UGGT1: variants seen among roughly 807,000 people sequenced by gnomAD.
UGGT1 encodes the protein UDP-glucose glycoprotein glucosyltransferase 1.
A neutral mutation model predicts 203.9 loss-of-function variants in UGGT1; 107 were observed. The ratio of observed to expected loss-of-function variants is 0.52; its 90% confidence interval spans 0.45 to 0.62. UGGT1 has a LOEUF of 0.62. UGGT1 is among the 20% of genes least tolerant of loss of function. The pLI is 0.00. For missense variants in UGGT1, 1,673 were observed against 1,867.2 expected (o/e 0.90, Z 1.92); for synonymous variants, 628 against 653.5 (o/e 0.96, Z 0.59).
intron 2 of UGGT1, among the ~76,000 whole-genome samples, chr2:128,101,774 G>A (rs1482982162): frequency 6.6e-6 from 1 of 152,074 alleles, no homozygotes; most frequent in African/African-American, 2.4e-5. Flanking sequence ...CTGTAACATC[G>A]TAGAGCCTCC....
At position 128,191,603 on chromosome 2, in the gene UGGT1, A is replaced by G. The variant is rs1485801338; in HGVS notation, c.*1861A>G. The G allele has an allele frequency of 6.6e-6, 1 of 152,484 alleles. No individual in the cohort carries two copies. The highest frequency in any genetic ancestry group is 1.9e-4 in the East Asian group (1 of 5,192). 9.4% of individuals were successfully genotyped at this position (152,484 alleles called of 1,614,324 possible). On this transcript the variant is annotated 3_prime_UTR_variant, in exon 41 of 41. Transcript: ENST00000259253. ...GCCAGGCGTGGTGGCTCACACCTGT[A>G]ATCCCAGCACTTTGGGAGGCTGAGG...
At chr2:128,117,975 TGTCTGTGTGTGTGTGTGTGA>T (rs1029662611) in intron 8 of UGGT1, among the ~76,000 whole-genome samples, 9 of 96,190 alleles carry the variant, frequency 9.4e-5, no homozygotes, top group Non-Finnish European at 1.7e-4. Context: ...TGTGTGTGTG[TGTCTGTGTGTGTGTGTGTGA>T]GAGAGAGAGA....
chr2:128,111,573 T>G (rs1687850343), intron 5 of UGGT1, among the ~76,000 whole-genome samples: 1 of 152,032 alleles, frequency 6.6e-6, no homozygotes, highest in Non-Finnish European at 1.5e-5. Flanking sequence ...TGGTGCCATC[T>G]TGGCTCACTG....
chr2:128,137,026 C>G (rs1269188897), intron 15 of UGGT1, among the ~76,000 whole-genome samples: 1 of 152,166 alleles, frequency 6.6e-6, no homozygotes, highest in Non-Finnish European at 1.5e-5. Context: ...AGTGTCTGTT[C>G]AGATTTTTTG....
In UGGT1 at chr2:128,120,382, A is replaced by C; in HGVS notation, c.899A>C (p.Gln300Pro). 1.2e-6 allele frequency: 2 copies of C among 1,614,018 alleles called. No homozygotes were observed. Among genetic ancestry groups the C allele is most frequent in the Non-Finnish European group, 1.7e-6 (2 of 1,179,990 alleles). ...LRDLHPDLEG[Q>P]LKELRKHLVE... Reference sequence around the variant, plus strand: ...GATCTGCACCCCGACCTGGAGGGACAGTTGAAAGAACTCAGAAAGCATCTT... The same window carrying C: ...GATCTGCACCCCGACCTGGAGGGACCGTTGAAAGAACTCAGAAAGCATCTT... The change falls in exon 9 of 41, where the codon CAG becomes CCG. Residue 300 changes from glutamine to proline, a missense_variant. By Grantham distance (76) the Gln-to-Pro change is moderately conservative (BLOSUM62 -1). Around this residue, in one of 4 missense-constraint regions of UGGT1, gnomAD observed 1,073 missense variants for 1,078.7 expected, o/e 0.99. Coordinates refer to ENST00000259253, the MANE Select transcript of UGGT1 (RefSeq NM_020120.4).
At position 128,157,284 on chromosome 2, in the gene UGGT1, A is replaced by G. The variant is rs576008618; in HGVS notation, c.2293A>G (p.Ile765Val). 8 of 1,613,864 alleles carry G rather than the reference A, an allele frequency of 5.0e-6. No individual in the cohort carries two copies. Among genetic ancestry groups the G allele is most frequent in the African/African-American group, 4.0e-5 (3 of 74,922 alleles). Residue 765 changes from isoleucine to valine, a missense_variant, in exon 22 of 41, where the codon ATT (isoleucine) becomes GTT (valine). Ile to Val is a conservative substitution (Grantham distance 29, BLOSUM62 3). This residue lies in a region of UGGT1 where 1,073 missense variants were observed against 1,078.7 expected (regional missense o/e 0.99). Coordinates refer to ENST00000259253, the MANE Select transcript of UGGT1 (RefSeq NM_020120.4). ...TTTTATTAGGCCAGTAACTTTTTGG[A>G]TTGTTGGGGATTTTGATAGCCCTTC... ...DSFIRPVTFW[I>V]VGDFDSPSGR... is the part of the protein sequence containing the mutation.
chr2:128,144,774 G>C lies in UGGT1; in HGVS notation c.1852-1029G>C, dbSNP rs144814249. Among the ~76,000 whole-genome samples, 94 of 152,292 alleles carry C rather than the reference G, an allele frequency of 6.2e-4. No homozygotes were observed. In the East Asian group the frequency reaches 0.015, roughly 25 times the overall value. Reference sequence around the variant, plus strand: ...ATTAGAAAGTAAGCAGTCTGTTACCGATGACTCGGATTAGTTACCCAATGG... The same window carrying C: ...ATTAGAAAGTAAGCAGTCTGTTACCCATGACTCGGATTAGTTACCCAATGG... On this transcript the variant is annotated intron_variant, in intron 17 of 40. Transcript: ENST00000259253.
At chr2:128,165,158 A>G (rs1452638457) in intron 26 of UGGT1, among the ~76,000 whole-genome samples, 1 of 152,230 alleles carries the variant, frequency 6.6e-6, no homozygotes, top group East Asian at 1.9e-4. Flanking sequence ...AGGTCAAGAT[A>G]GCTCATGCTT....
At chr2:128,177,234 AATG>A (rs1474774442) in intron 32 of UGGT1, among the ~76,000 whole-genome samples, 6 of 152,182 alleles carry the variant, frequency 3.9e-5, no homozygotes, top group African/African-American at 1.4e-4. Context: ...ACAATAATAA[AATG>A]ATAGTCCTAT....
At position 128,091,353 on chromosome 2, in the gene UGGT1, C is replaced by A; in HGVS notation, c.-5C>A. Reference sequence around the variant, plus strand: ...GCACTGTGGCGGACTGACCACGGCCCGGGCATGGGCTGCAAGGGAGACGCG... The same window carrying A: ...GCACTGTGGCGGACTGACCACGGCCAGGGCATGGGCTGCAAGGGAGACGCG... On this transcript the variant is annotated 5_prime_UTR_variant, in exon 1 of 41. Coordinates refer to ENST00000259253, the MANE Select transcript of UGGT1 (RefSeq NM_020120.4). 6.4e-7 allele frequency: 1 copy of A among 1,559,864 alleles called. No homozygotes were observed. The highest frequency in any genetic ancestry group is 1.2e-5 in the South Asian group (1 of 84,680).
At chr2:128,106,958 C>T (rs1158882340) in intron 3 of UGGT1, among the ~76,000 whole-genome samples, 1 of 152,172 alleles carries the variant, frequency 6.6e-6, no homozygotes, top group Non-Finnish European at 1.5e-5. Context: ...TTTGGGATTA[C>T]AAGCAAGAGC....
intron 36 of UGGT1, among the ~76,000 whole-genome samples, 181 bp from the exon 37 acceptor site, chr2:128,181,949 A>G (rs1448897707): frequency 6.6e-6 from 1 of 152,200 alleles, no homozygotes; most frequent in African/African-American, 2.4e-5. Context: ...AGTGTCTTAC[A>G]TGTTAGTGAG....
intron 1 of UGGT1, among the ~76,000 whole-genome samples, chr2:128,094,880 C>G (rs529958371): frequency 4.0e-5 from 6 of 151,156 alleles, no homozygotes; most frequent in African/African-American, 1.2e-4. Flanking sequence ...TCCTGAGTAG[C>G]TGGGATTACA....
rs555116387 is a variant in UGGT1 at position 128,152,787 on chromosome 2, G to A, written c.2020G>A (p.Glu674Lys). The A allele has an allele frequency of 3.1e-6, 5 of 1,603,774 alleles. No homozygotes were observed. In the South Asian group the frequency reaches 4.5e-5, roughly 14 times the overall value. Residue 674 changes from glutamate (E) to lysine (K), a missense_variant, in exon 19 of 41, where the codon GAA becomes AAA. Coordinates refer to ENST00000259253, the MANE Select transcript of UGGT1 (RefSeq NM_020120.4). ...TFFQRAVYLG[E>K]LPHDQDVVEY... ...ACCTCCTTTTTTTTTCTTGCAGGGT[G>A]AACTGCCCCATGATCAAGATGTGGT...
intron 25 of UGGT1, among the ~76,000 whole-genome samples, chr2:128,164,328 G>A (rs1690674720): frequency 6.6e-6 from 1 of 152,170 alleles, no homozygotes; most frequent in Admixed American, 6.5e-5. Context: ...CTTGTTACTT[G>A]ATATTATGTG....
intron 18 of UGGT1, among the ~76,000 whole-genome samples, chr2:128,146,362 A>G (rs1033076998): frequency 6.6e-6 from 1 of 152,162 alleles, no homozygotes; most frequent in Non-Finnish European, 1.5e-5. Flanking sequence ...GTCACTTGTA[A>G]TTGGTTTGCA....
At chr2:128,112,473 T>TATATATATATATA (rs1553433485) in intron 5 of UGGT1, among the ~76,000 whole-genome samples, 70 of 120,362 alleles carry the variant, frequency 5.8e-4, no homozygotes, top group Non-Finnish European at 7.4e-4. Flanking sequence ...TATATATATA[T>TATATATATATATA]TACATACATA....
At chr2:128,159,470 A>C (rs1428817061) in intron 22 of UGGT1, 44 bp from the exon 23 acceptor site, 2 of 1,572,398 alleles carry the variant, frequency 1.3e-6, no homozygotes, top group African/African-American at 2.7e-5. Flanking sequence ...TTTTAAGTTC[A>C]AAAATATCTA....
intron 22 of UGGT1, among the ~76,000 whole-genome samples, chr2:128,158,127 A>C (rs1043214577): frequency 3.9e-5 from 6 of 152,228 alleles, no homozygotes; most frequent in African/African-American, 1.4e-4. Flanking sequence ...GCTAAGGGCG[A>C]TAGTTATATG....
Sources: gnomAD v4.1 joint callset for allele counts (sites outside exome capture counted in the v4.1 genomes callset) on GRCh38, gnomAD v4.1.1 for gene constraint, gnomAD v4.1.1 regional missense constraint, MANE v1.5 for transcripts, NCBI Gene and HGNC (gene_info 2026-07-23, HGNC 2026-07-21) for gene names.